DIAPH2: variants seen among roughly 807,000 people sequenced by gnomAD.
DIAPH2 encodes protein diaphanous homolog 2.
Under a neutral mutation model 92.7 loss-of-function variants are expected in DIAPH2, and 35 were observed. The ratio of observed to expected loss-of-function variants is 0.38; its 90% CI spans 0.29 to 0.50. The LOEUF is 0.50. DIAPH2 is among the 20% of genes least tolerant of loss of function. The pLI is 0.94. For synonymous variants in DIAPH2, 301 were observed against 280.4 expected, an observed-to-expected ratio of 1.07 and a Z score of -0.73; for missense variants, 701 against 819.5, an observed-to-expected ratio of 0.86 and a Z score of 1.77.
At chrX:97,172,811 A>T (rs1034008667) in intron 22 of DIAPH2, among the ~76,000 whole-genome samples, 1 of 111,562 alleles carries the variant, frequency 9.0e-6, no homozygotes, top group Non-Finnish European at 1.9e-5. Context: ...CCTACTTTCA[A>T]ACTATCTCCC....
At position 97,381,202 on chromosome X, in the gene DIAPH2, G is replaced by A. The variant is rs891260339; in HGVS notation, c.3010-2707G>A. ...TAATAAATACATGGAGAATGCTACAGAAATAGCATGATTCAAGTTCATGTA... is the reference window on the plus strand; with the variant it reads ...TAATAAATACATGGAGAATGCTACAAAAATAGCATGATTCAAGTTCATGTA... On this transcript the variant is annotated intron_variant, in intron 24 of 26. Transcript: ENST00000324765. Among the ~76,000 whole-genome samples, 28 of 111,344 alleles carry A rather than the reference G, an allele frequency of 2.5e-4. 1 individual carries two copies. Among genetic ancestry groups the A allele is most frequent in the Non-Finnish European group, 1.1e-4 (6 of 52,993 alleles).
intron 17 of DIAPH2, among the ~76,000 whole-genome samples, chrX:97,003,513 A>G (rs2066159019): frequency 8.9e-6 from 1 of 112,113 alleles, no homozygotes; most frequent in African/African-American, 3.2e-5. Flanking sequence ...GGGGTATGAT[A>G]ATATCTGATT....
At chrX:96,713,365 G>A (rs1399563606) in intron 1 of DIAPH2, among the ~76,000 whole-genome samples, 1 of 110,139 alleles carries the variant, frequency 9.1e-6, no homozygotes, top group African/African-American at 3.3e-5. Flanking sequence ...AGTTTTAGGT[G>A]CACAGCAAAA....
intron 17 of DIAPH2, among the ~76,000 whole-genome samples, chrX:96,991,356 G>A (rs1391622780): frequency 9.1e-6 from 1 of 110,041 alleles, no homozygotes; most frequent in Non-Finnish European, 1.9e-5. Context: ...GACCTCAGGT[G>A]ATCCACCTGC....
chrX:96,987,580 A>G (rs1177242905), intron 17 of DIAPH2, among the ~76,000 whole-genome samples: 3 of 111,261 alleles, frequency 2.7e-5, no homozygotes, highest in African/African-American at 9.8e-5. Flanking sequence ...CCTTTCAGGA[A>G]TCTCCTAGGA....
rs200799096 is a variant in DIAPH2, at chrX:97,600,167, T to TTTA, written c.*853_*855dup. ...GGATGAACCTGAAAATTCTATTACG[T>TTTA]TTATTTAGATTTCAAAGGCAAATAT... On this transcript the variant is annotated 3_prime_UTR_variant, in exon 27 of 27. Transcript: ENST00000324765. 5,268 of 112,252 alleles carry TTTA rather than the reference T, an allele frequency of 0.047. 127 individuals carry two copies. The highest frequency in any genetic ancestry group is 0.071 in the Non-Finnish European group (3,758 of 52,996). The allele number at this position is 112,252 out of a possible 1,213,427, so 9.3% of individuals were successfully genotyped here.
At chrX:96,898,296 G>A (rs1294773165) in intron 5 of DIAPH2, among the ~76,000 whole-genome samples, 2 of 103,815 alleles carry the variant, frequency 1.9e-5, no homozygotes, top group African/African-American at 6.9e-5. Context: ...CTGAGGAATC[G>A]CCACACTGAC....
At chrX:97,226,252 TA>T (rs1180002699) in intron 22 of DIAPH2, among the ~76,000 whole-genome samples, 8 of 112,267 alleles carry the variant, frequency 7.1e-5, no homozygotes, top group Non-Finnish European at 1.1e-4. Context: ...TGTAAGATTG[TA>T]AAAAATAAAT....
At chrX:97,430,205 G>A (rs2070112004) in intron 26 of DIAPH2, among the ~76,000 whole-genome samples, 2 of 111,692 alleles carry the variant, frequency 1.8e-5, no homozygotes, top group South Asian at 7.5e-4. Context: ...GTTAATAAAG[G>A]GAGGAGAGGA....
intron 24 of DIAPH2, among the ~76,000 whole-genome samples, chrX:97,348,950 G>T (rs935238358): frequency 1.5e-4 from 16 of 108,674 alleles, no homozygotes; most frequent in African/African-American, 5.0e-4. Context: ...GTAACAGAAA[G>T]ATATGCATAA....
chrX:97,161,199 G>C (rs757423912), intron 22 of DIAPH2, among the ~76,000 whole-genome samples: 3 of 109,416 alleles, frequency 2.7e-5, no homozygotes, highest in Non-Finnish European at 5.7e-5. Flanking sequence ...AGTTATGTAT[G>C]TGATTTTAGG....
At chrX:97,312,853 C>T (rs1205410495) in intron 23 of DIAPH2, among the ~76,000 whole-genome samples, 1 of 110,785 alleles carries the variant, frequency 9.0e-6, no homozygotes, top group Non-Finnish European at 1.9e-5. Flanking sequence ...CACTTCTGAG[C>T]TAGTCAGCTT....
intron 26 of DIAPH2, among the ~76,000 whole-genome samples, chrX:97,575,449 A>G (rs769950114): frequency 3.6e-4 from 40 of 112,270 alleles, no homozygotes; most frequent in African/African-American, 9.0e-4. Context: ...GCCCACCCCA[A>G]TGACTTCATT....
At chrX:96,830,272 A>T (rs2147687411) in intron 4 of DIAPH2, among the ~76,000 whole-genome samples, 1 of 111,636 alleles carries the variant, frequency 9.0e-6, no homozygotes. Flanking sequence ...AAGATTTTTT[A>T]CAAAATAAAT....
intron 18 of DIAPH2, among the ~76,000 whole-genome samples, chrX:97,073,330 T>C (rs1342569593): frequency 9.1e-6 from 1 of 110,108 alleles, no homozygotes; most frequent in African/African-American, 3.4e-5. Flanking sequence ...TAAGGCAGAA[T>C]TGACAAAAAG....
At chrX:96,718,350 T>TG (rs2063967198) in intron 1 of DIAPH2, among the ~76,000 whole-genome samples, 3 of 58,399 alleles carry the variant, frequency 5.1e-5, no homozygotes, top group South Asian at 1.2e-3. Flanking sequence ...TTTTTTTTTT[T>TG]TTTTTTTTTT....
At position 97,583,777 on chromosome X, in the gene DIAPH2, C is replaced by T. The variant is rs1388347670; in HGVS notation, c.3242-15476C>T. The stretch of plus-strand genomic sequence containing the variant: ...GGCGGGCGCCCCTCCCCCAGCCTCG[C>T]TGCCGCCTTGCAGTTTGATCTCAGA... On this transcript the variant is annotated intron_variant, in intron 26 of 26. Coordinates refer to ENST00000324765, the MANE Select transcript of DIAPH2 (RefSeq NM_006729.5). Among the ~76,000 whole-genome samples, 9 of 111,377 alleles carry T rather than the reference C, an allele frequency of 8.1e-5. No homozygotes were observed. In the East Asian group the frequency reaches 1.7e-3, roughly 21 times the overall value.
chrX:97,235,601 CAAAAAAAAA>C (rs10563336), intron 22 of DIAPH2, among the ~76,000 whole-genome samples: 2 of 53,385 alleles, frequency 3.7e-5, no homozygotes, highest in African/African-American at 1.4e-4. Context: ...GAGACTACGT[CAAAAAAAAA>C]AAAAAAAAAA....
intron 3 of DIAPH2, among the ~76,000 whole-genome samples, chrX:96,747,750 G>C (rs1211160094): frequency 8.9e-6 from 1 of 111,856 alleles, no homozygotes; most frequent in Non-Finnish European, 1.9e-5. Flanking sequence ...TCTTTTAGAA[G>C]TTAGTTAGCT....
Sources: gnomAD v4.1 joint callset for allele counts (sites outside exome capture counted in the v4.1 genomes callset) on GRCh38, gnomAD v4.1.1 for gene constraint, MANE v1.5 for transcripts, NCBI Gene and HGNC (gene_info 2026-07-23, HGNC 2026-07-21) for gene names.